Variants in SLC36A1 observed in about 807,000 individuals in gnomAD.
SLC36A1 encodes proton-coupled amino acid transporter 1.
SLC36A1 carries 30 observed loss-of-function variants against 47.5 expected under a neutral mutation model. The ratio of observed to expected loss-of-function variants is 0.63; its 90% CI spans 0.47 to 0.86. The LOEUF (loss-of-function observed/expected upper bound fraction) is 0.86. Ranked by LOEUF, SLC36A1 falls within the 40% of genes least tolerant of loss-of-function variation. The probability of loss-of-function intolerance (pLI) is 0.00; values close to 1 mark genes in which losing one functional copy is unlikely to be tolerated. For missense variants in SLC36A1, 517 were observed against 606.0 expected (o/e 0.85, Z 1.54); for synonymous variants, 255 against 249.7 (o/e 1.02, Z -0.20).
chr5:151,518,896 C>T, the SLC36A1 span, among the ~76,000 whole-genome samples: 1 of 152,180 alleles, frequency 6.6e-6, no homozygotes, highest in Non-Finnish European at 1.5e-5. Flanking sequence ...ATCCCCAAAA[C>T]CCCAGTGTAA....
the SLC36A1 span, among the ~76,000 whole-genome samples, chr5:151,416,943 C>A: frequency 6.6e-6 from 1 of 152,172 alleles, no homozygotes; most frequent in Admixed American, 6.5e-5. Context: ...AGGGGCTCTT[C>A]CCCCCTTCGC....
the SLC36A1 span, among the ~76,000 whole-genome samples, chr5:151,513,708 G>T: frequency 3.2e-3 from 494 of 152,112 alleles, 4 homozygotes; most frequent in African/African-American, 0.011. Flanking sequence ...TCGGTTACCC[G>T]TATAACAAAC....
the SLC36A1 span, among the ~76,000 whole-genome samples, chr5:151,397,070 T>A: frequency 1.3e-5 from 2 of 152,226 alleles, no homozygotes; most frequent in Non-Finnish European, 2.9e-5. Flanking sequence ...CACATGGACT[T>A]CTCTGTAGGC....
At chr5:151,415,689 G>A in the SLC36A1 span, among the ~76,000 whole-genome samples, 1 of 152,078 alleles carries the variant, frequency 6.6e-6, no homozygotes, top group African/African-American at 2.4e-5. Context: ...TATTTTCCTA[G>A]CACACAGCAT....
chr5:151,525,001 C>A, the SLC36A1 span, among the ~76,000 whole-genome samples: 1 of 152,224 alleles, frequency 6.6e-6, no homozygotes, highest in South Asian at 2.1e-4. Context: ...TCCATGATTA[C>A]AATGGAAAGC....
the SLC36A1 span, chr5:151,366,465 C>T: frequency 3.6e-6 from 1 of 274,174 alleles, no homozygotes. Context: ...CCTAGAAGGT[C>T]CCCACCAAAA....
At chr5:151,409,142 G>T in the SLC36A1 span, among the ~76,000 whole-genome samples, 1 of 151,562 alleles carries the variant, frequency 6.6e-6, no homozygotes, top group Admixed American at 6.6e-5. Flanking sequence ...TGGGACTACA[G>T]GTGCATGCCA....
chr5:151,385,035 T>TGTGTGTGA, the SLC36A1 span, among the ~76,000 whole-genome samples: 2 of 149,860 alleles, frequency 1.3e-5, no homozygotes, highest in African/African-American at 5.0e-5. Context: ...TGTGTGTGTG[T>TGTGTGTGA]GTGAGAGAGA....
the SLC36A1 span, chr5:151,382,238 C>T: frequency 2.5e-5 from 33 of 1,318,820 alleles, no homozygotes; most frequent in East Asian, 6.9e-5. Context: ...GGTCACTCAT[C>T]GAGACTCACT....
upstream of SLC36A1, among the ~76,000 whole-genome samples, chr5:151,436,743 C>A (rs1429410281): frequency 1.3e-5 from 2 of 151,774 alleles, no homozygotes; most frequent in Non-Finnish European, 2.9e-5. Context: ...CTAGGACTAT[C>A]CAGTCACGTT....
chr5:151,410,135 A>G, the SLC36A1 span, among the ~76,000 whole-genome samples: 1 of 152,250 alleles, frequency 6.6e-6, no homozygotes, highest in Admixed American at 6.5e-5. Context: ...AGCTGTAATC[A>G]GAATTCTGGT....
the SLC36A1 span, chr5:151,504,589 A>G: frequency 6.5e-6 from 1 of 152,700 alleles, no homozygotes; most frequent in Non-Finnish European, 1.5e-5. Flanking sequence ...CCTGCTTCCA[A>G]CCGGCCCTAA....
chr5:151,549,175 T>G, the SLC36A1 span: 1 of 872,980 alleles, frequency 1.1e-6, no homozygotes, highest in Non-Finnish European at 1.8e-6. Flanking sequence ...CTAGAATTAT[T>G]GTTTGCCAAG....
the SLC36A1 span, among the ~76,000 whole-genome samples, chr5:151,519,392 C>T: frequency 1.3e-5 from 2 of 152,102 alleles, no homozygotes; most frequent in Non-Finnish European, 2.9e-5. Context: ...CTGACACTGG[C>T]AATTCCATTG....
the SLC36A1 span, among the ~76,000 whole-genome samples, chr5:151,417,500 CAA>C: frequency 6.6e-6 from 1 of 152,258 alleles, no homozygotes; most frequent in South Asian, 2.1e-4. Flanking sequence ...TATGTTTTAG[CAA>C]AGAGACTGGC....
chr5:151,350,116 TCAC>T, the SLC36A1 span, among the ~76,000 whole-genome samples: 2 of 150,580 alleles, frequency 1.3e-5, no homozygotes, highest in Non-Finnish European at 3.0e-5. Flanking sequence ...CACCCTATCC[TCAC>T]CACCACCACC....
the SLC36A1 span, among the ~76,000 whole-genome samples, chr5:151,547,058 A>G: frequency 6.6e-6 from 1 of 152,138 alleles, no homozygotes; most frequent in African/African-American, 2.4e-5. Flanking sequence ...TATTTAATTG[A>G]TGTTTTCCTT....
At chr5:151,421,015 C>T in the SLC36A1 span, among the ~76,000 whole-genome samples, 1,019 of 151,844 alleles carry the variant, frequency 6.7e-3, 10 homozygotes, top group African/African-American at 0.024. Flanking sequence ...GGACTACAGG[C>T]GCCCGCCACC....
intron 1 of SLC36A1, among the ~76,000 whole-genome samples, chr5:151,456,876 G>A (rs570416753): frequency 1.1e-4 from 17 of 152,286 alleles, no homozygotes; most frequent in South Asian, 4.1e-4. Flanking sequence ...AGCCTTCGGC[G>A]GAGCACCATC....
Sources: gnomAD v4.1 joint callset for allele counts (sites outside exome capture counted in the v4.1 genomes callset) on GRCh38, gnomAD v4.1.1 for gene constraint, MANE v1.5 for transcripts, NCBI Gene and HGNC (gene_info 2026-07-23, HGNC 2026-07-21) for gene names.